CNTN5: variants seen among roughly 807,000 people sequenced by gnomAD.
CNTN5 encodes the protein contactin 5, also known as contactin-5.
CNTN5 carries 77 observed loss-of-function variants against 129.1 expected under a neutral mutation model. The ratio of observed to expected loss-of-function variants is 0.60; its 90% CI spans 0.50 to 0.72. The LOEUF (loss-of-function observed/expected upper bound fraction) is 0.72. Among genes scored for constraint, CNTN5 ranks in the 30% least tolerant of loss-of-function variants. CNTN5 has a pLI of 0.00. For synonymous variants in CNTN5, 509 were observed against 465.6 expected (o/e 1.09, Z -1.20); for missense variants, 1,478 against 1,328.8 (o/e 1.11, Z -1.75).
chr11:99,376,875 G>A (rs963469761), intron 2 of CNTN5, among the ~76,000 whole-genome samples: 1 of 152,128 alleles, frequency 6.6e-6, no homozygotes, highest in African/African-American at 2.4e-5. Context: ...CACAATGACA[G>A]CTTGTTTTAC....
intron 2 of CNTN5, among the ~76,000 whole-genome samples, chr11:99,501,758 T>C (rs1369458537): frequency 2.6e-5 from 4 of 152,224 alleles, no homozygotes; most frequent in Non-Finnish European, 5.9e-5. Flanking sequence ...AAGGCACACC[T>C]GGTTTGAAAA....
intron 3 of CNTN5, among the ~76,000 whole-genome samples, chr11:99,678,891 T>A (rs1208991908): frequency 1.3e-5 from 2 of 151,360 alleles, no homozygotes; most frequent in Middle Eastern, 3.4e-3. Flanking sequence ...ATATATAACC[T>A]TTTTTTGTAT....
intron 1 of CNTN5, among the ~76,000 whole-genome samples, chr11:99,124,122 T>C (rs190344577): frequency 2.9e-4 from 44 of 152,208 alleles, no homozygotes; most frequent in Admixed American, 2.7e-3. Flanking sequence ...CTTTATGCAA[T>C]ATGGCCATTT....
intron 6 of CNTN5, among the ~76,000 whole-genome samples, chr11:99,857,558 T>G (rs1019373063): frequency 6.6e-6 from 1 of 152,294 alleles, no homozygotes; most frequent in Non-Finnish European, 1.5e-5. Context: ...AAATGAATAT[T>G]AATAACTATG....
chr11:99,904,516 C>G (rs186820336), intron 6 of CNTN5, among the ~76,000 whole-genome samples: 2 of 152,214 alleles, frequency 1.3e-5, no homozygotes, highest in African/African-American at 4.8e-5. Context: ...GTATATGTGC[C>G]ACATTTTCTG....
chr11:100,274,497 A>T (rs1325703436), intron 18 of CNTN5, among the ~76,000 whole-genome samples: 1 of 152,234 alleles, frequency 6.6e-6, no homozygotes, highest in Non-Finnish European at 1.5e-5. Context: ...AATATCCAGC[A>T]TCTATAAGGA....
intron 2 of CNTN5, among the ~76,000 whole-genome samples, chr11:99,343,463 T>C (rs1402115393): frequency 6.6e-6 from 1 of 152,180 alleles, no homozygotes; most frequent in African/African-American, 2.4e-5. Context: ...AGGTATGATA[T>C]CCAAGGTCAC....
chr11:99,991,067 C>G (rs1199912237), intron 8 of CNTN5, among the ~76,000 whole-genome samples: 3 of 152,158 alleles, frequency 2.0e-5, no homozygotes, highest in African/African-American at 7.2e-5. Flanking sequence ...TATCTTTTGC[C>G]CTGTCTAGTG....
chr11:99,105,730 A>C (rs10790462), intron 1 of CNTN5, among the ~76,000 whole-genome samples: 72,989 of 151,916 alleles, frequency 0.48, 17,740 homozygotes, highest in East Asian at 0.61. Flanking sequence ...TAAACCTTAG[A>C]TTGAGTCTGG....
At chr11:99,809,001 AAGC>A (rs1946352091) in intron 3 of CNTN5, among the ~76,000 whole-genome samples, 1 of 152,140 alleles carries the variant, frequency 6.6e-6, no homozygotes, top group Non-Finnish European at 1.5e-5. Flanking sequence ...GCAGCTACAC[AAGC>A]AGGAGCCAGT....
chr11:99,077,240 T>C (rs1200765760), intron 1 of CNTN5, among the ~76,000 whole-genome samples: 1 of 144,612 alleles, frequency 6.9e-6, no homozygotes, highest in Non-Finnish European at 1.5e-5. Context: ...AAATTTAAAG[T>C]AAAAGTTAAG....
intron 16 of CNTN5, among the ~76,000 whole-genome samples, chr11:100,247,684 A>G (rs1944184): frequency 0.19 from 28,945 of 152,148 alleles, 3,990 homozygotes; most frequent in East Asian, 0.63. Flanking sequence ...ATAAGGGTAT[A>G]CCATAATTCT....
At chr11:99,567,964 G>T (rs760703832) in intron 3 of CNTN5, among the ~76,000 whole-genome samples, 26 of 152,084 alleles carry the variant, frequency 1.7e-4, no homozygotes, top group Non-Finnish European at 2.8e-4. Flanking sequence ...TTCCTGGGGT[G>T]ATATAAAATT....
chr11:100,082,344 C>T (rs1944398221), intron 13 of CNTN5, among the ~76,000 whole-genome samples: 3 of 152,048 alleles, frequency 2.0e-5, no homozygotes. Context: ...TGCAGTGGCA[C>T]ATACACAGCT....
chr11:99,761,003 T>C (rs1250090799), intron 3 of CNTN5, among the ~76,000 whole-genome samples: 1 of 152,134 alleles, frequency 6.6e-6, no homozygotes, highest in East Asian at 1.9e-4. Flanking sequence ...CATTGTCTCA[T>C]AGTTCTTGAA....
At chr11:99,351,876 AAC>A (rs1458212701) in intron 2 of CNTN5, among the ~76,000 whole-genome samples, 1 of 152,228 alleles carries the variant, frequency 6.6e-6, no homozygotes, top group Non-Finnish European at 1.5e-5. Context: ...TGAGTTTGAA[AAC>A]ACAGAGTTAA....
intron 7 of CNTN5, among the ~76,000 whole-genome samples, chr11:99,930,820 T>A (rs1382434800): frequency 2.3e-5 from 1 of 43,750 alleles, no homozygotes; most frequent in African/African-American, 8.5e-5. Flanking sequence ...CACACACACA[T>A]TTTAGTATTT....
At chr11:99,442,797 A>G (rs532440485) in intron 2 of CNTN5, among the ~76,000 whole-genome samples, 1 of 152,332 alleles carries the variant, frequency 6.6e-6, no homozygotes, top group East Asian at 1.9e-4. Flanking sequence ...GTAATGAGAA[A>G]TCTGTGGCCT....
chr11:99,549,958 GA>G (rs1383043226), intron 2 of CNTN5, among the ~76,000 whole-genome samples: 2 of 152,002 alleles, frequency 1.3e-5, no homozygotes, highest in Admixed American at 1.3e-4. Flanking sequence ...AAGTTGACTT[GA>G]AGTCTCAGAA....
Sources: gnomAD v4.1 joint callset for allele counts (sites outside exome capture counted in the v4.1 genomes callset) on GRCh38, gnomAD v4.1.1 for gene constraint, MANE v1.5 for transcripts, NCBI Gene and HGNC (gene_info 2026-07-23, HGNC 2026-07-21) for gene names.